Variants in DBNL observed in about 807,000 individuals in gnomAD.
The protein encoded by DBNL is drebrin like.
DBNL carries 35 observed loss-of-function variants against 62.2 expected under a neutral mutation model. The ratio of observed to expected loss-of-function variants is 0.56; its 90% confidence interval spans 0.43 to 0.75. DBNL has a LOEUF of 0.75. Ranked by LOEUF, DBNL falls within the 30% of genes least tolerant of loss-of-function variation. The pLI is 0.00. For missense variants in DBNL, 495 were observed against 578.4 expected, an observed-to-expected ratio of 0.86 and a Z score of 1.48; for synonymous variants, 197 against 218.0, an observed-to-expected ratio of 0.90 and a Z score of 0.85.
In DBNL at chr7:44,065,069, C is replaced by G. The variant is rs2096156893; in HGVS notation, c.*4153C>G. On this transcript the variant is annotated 3_prime_UTR_variant, in exon 13 of 13. Transcript: ENST00000448521. ...CAAGCCAGTGGGCCCCCACCCGACT[C>G]CCCACTCTGCAGCTTCCCAGAGGCC... 1.2e-6 allele frequency: 2 copies of G among 1,611,436 alleles called. No homozygotes were observed. Among genetic ancestry groups the G allele is most frequent in the Non-Finnish European group, 1.7e-6 (2 of 1,179,866 alleles).
chr7:44,067,734 G>A lies in DBNL; in HGVS notation c.*6818G>A, dbSNP rs2096162556. On this transcript the variant is annotated 3_prime_UTR_variant, in exon 13 of 13. Transcript: ENST00000448521. ...AGGAAGGCTGCTGAGTCAACAAGGT[G>A]GTCCCAGGAAGGTGGAGGGAGCATC... is the stretch of plus-strand genomic sequence containing the variant. 2 of 152,226 alleles carry A rather than the reference G, an allele frequency of 1.3e-5. No individual in the cohort carries two copies. The highest frequency in any genetic ancestry group is 6.5e-5 in the Admixed American group (1 of 15,278). The allele number at this position is 152,226 out of a possible 1,614,324, so 9.4% of individuals were successfully genotyped here. A position where few individuals can be genotyped will look rare whatever the true frequency, so the allele number is the denominator to read the frequency against.
chr7:44,051,879 G>A lies in DBNL; in HGVS notation c.189G>A (p.Met63Ile). Residue 63 changes from methionine (M) to isoleucine (I), a missense_variant, in exon 3 of 13, where the codon ATG (methionine) becomes ATA (isoleucine). By Grantham distance (10) the Met-to-Ile change is conservative (BLOSUM62 1). Transcript: ENST00000448521. ...MVEELNSGKVMYAFCRVKDPN... is the reference protein window; with the variant it reads ...MVEELNSGKVIYAFCRVKDPN... Reference sequence around the variant, plus strand: ...AGGAGCTCAACAGCGGGAAGGTGATGTACGCCTTCTGCAGAGTGAAGGACC... The same window carrying A: ...AGGAGCTCAACAGCGGGAAGGTGATATACGCCTTCTGCAGAGTGAAGGACC... The A allele has an allele frequency of 6.2e-7, 1 of 1,614,170 alleles. No homozygotes were observed. Among genetic ancestry groups the A allele is most frequent in the South Asian group, 1.1e-5 (1 of 91,084 alleles).
In DBNL at chr7:44,063,761, C is replaced by T. The variant is rs2096153739; in HGVS notation, c.*2845C>T. On this transcript the variant is annotated 3_prime_UTR_variant, in exon 13 of 13. Transcript: ENST00000448521. ...TGATGTTCGCGCCACTCCACCCCTG[C>T]TCCGTGCAGGAGGGTTTAAGAAAAT... 1 of 153,662 alleles carries T rather than the reference C, an allele frequency of 6.5e-6. No homozygotes were observed. The highest frequency in any genetic ancestry group is 2.0e-4 in the South Asian group (1 of 4,910). 9.5% of individuals were successfully genotyped at this position (153,662 alleles called of 1,614,324 possible).
chr7:44,057,972 G>T, intron 6 of DBNL, 113 bp downstream of exon 6: 2 of 1,540,024 alleles, frequency 1.3e-6, no homozygotes, highest in Non-Finnish European at 1.8e-6. Flanking sequence ...GCCCATTACA[G>T]ATGGTCACAC....
At chr7:44,052,256 G>A (rs529776055) in intron 3 of DBNL, among the ~76,000 whole-genome samples, 2 of 152,212 alleles carry the variant, frequency 1.3e-5, no homozygotes, top group South Asian at 4.1e-4. Flanking sequence ...GCCTGAGGGA[G>A]TGTTTAGGAG....
chr7:44,044,936 A>G lies in DBNL; in HGVS notation c.83+116A>G, dbSNP rs1191734553. Reference sequence around the variant, plus strand: ...CGCGAGCGCGGAGCGGTGCCCAGGCAGGTGGCCTGGGGCTTACCTGTCTGC... The same window carrying G: ...CGCGAGCGCGGAGCGGTGCCCAGGCGGGTGGCCTGGGGCTTACCTGTCTGC... On this transcript the variant is annotated intron_variant, in intron 1 of 12. Transcript: ENST00000448521. 1.5e-5 allele frequency: 16 copies of G among 1,072,130 alleles called. No individual in the cohort carries two copies. The African/African-American group carries it at 2.5e-4, about 17-fold the overall frequency. The allele number at this position is 1,072,130 out of a possible 1,614,324, so 66.4% of individuals were successfully genotyped here.
Position 44,044,976 on chromosome 7 carries a change from G to A in DBNL, c.83+156G>A, listed in dbSNP as rs1342858664. 2.5e-5 allele frequency: 16 copies of A among 643,646 alleles called. No individual in the cohort carries two copies. In the Admixed American group the frequency reaches 6.7e-4, roughly 27 times the overall value. 39.9% of individuals were successfully genotyped at this position (643,646 alleles called of 1,614,324 possible). On this transcript the variant is annotated intron_variant, in intron 1 of 12. Coordinates refer to ENST00000448521, the MANE Select transcript of DBNL (RefSeq NM_001014436.3). Reference sequence around the variant, plus strand: ...TACCTGTCTGCCCCTCCACACCGCAGCAGGAGTGCTGTCTCACCCTCGTGA... The same window carrying A: ...TACCTGTCTGCCCCTCCACACCGCAACAGGAGTGCTGTCTCACCCTCGTGA...
At chr7:44,058,325 AT>A (rs770550443) in intron 7 of DBNL, 45 bp downstream of exon 7, 2 of 1,590,586 alleles carry the variant, frequency 1.3e-6, no homozygotes, top group Non-Finnish European at 1.7e-6. Flanking sequence ...ACCCTGAGGC[AT>A]TGCTGGGCAC....
chr7:44,052,447 T>C (rs961542751), intron 3 of DBNL, among the ~76,000 whole-genome samples: 2 of 151,766 alleles, frequency 1.3e-5, no homozygotes, highest in Admixed American at 1.3e-4. Flanking sequence ...CCATCTCTAC[T>C]AAAATACAAA....
chr7:44,052,721 C>T, intron 3 of DBNL, 146 bp from the exon 4 acceptor site: 1 of 925,184 alleles, frequency 1.1e-6, no homozygotes, highest in East Asian at 2.6e-5. Context: ...ACTTACCTCA[C>T]CCATGTGATG....
chr7:44,055,189 G>A (rs1351018785), intron 4 of DBNL, among the ~76,000 whole-genome samples: 1 of 152,192 alleles, frequency 6.6e-6, no homozygotes, highest in Admixed American at 6.5e-5. Flanking sequence ...CTGTTGTCTA[G>A]GCGCGATGGC....
intron 5 of DBNL, among the ~76,000 whole-genome samples, chr7:44,057,168 C>T (rs1351791106): frequency 8.5e-5 from 13 of 152,254 alleles, no homozygotes; most frequent in Admixed American, 8.5e-4. Context: ...CTGCAGCATG[C>T]ATGGCTATGA....
intron 3 of DBNL, among the ~76,000 whole-genome samples, chr7:44,052,309 G>T (rs1262871247): frequency 6.6e-6 from 1 of 151,966 alleles, no homozygotes; most frequent in Non-Finnish European, 1.5e-5. Flanking sequence ...CCTTGGTGGG[G>T]ATCAAGAAAA....
At chr7:44,048,295 C>T (rs1414276257) in intron 1 of DBNL, among the ~76,000 whole-genome samples, 2 of 152,230 alleles carry the variant, frequency 1.3e-5, no homozygotes, top group East Asian at 3.8e-4. Context: ...CTTCTGGGAG[C>T]CAGGGCTTTG....
At position 44,062,771 on chromosome 7, in the gene DBNL, G is replaced by T. The variant is rs752958758; in HGVS notation, c.*1855G>T. 1.9e-5 allele frequency: 30 copies of T among 1,614,048 alleles called. No homozygotes were observed. The Admixed American group carries it at 4.5e-4, about 24-fold the overall frequency. ...ATTGCCCAAGCCCACCCCTCACTTG[G>T]CCTTGCCCTGGGCAGCCACAGCCTC... is the stretch of plus-strand genomic sequence containing the variant. On this transcript the variant is annotated 3_prime_UTR_variant, in exon 13 of 13. Transcript: ENST00000448521.
chr7:44,065,125 G>T lies in DBNL; in HGVS notation c.*4209G>T. 1 of 1,613,998 alleles carries T rather than the reference G, an allele frequency of 6.2e-7. No homozygotes were observed. On this transcript the variant is annotated 3_prime_UTR_variant, in exon 13 of 13. Transcript: ENST00000448521. ...AGCAAAGGCAGCCCACCTTGCTAATGGAGTTGTAGTAGGGGTGCTTCTCGT... is the reference window on the plus strand; with the variant it reads ...AGCAAAGGCAGCCCACCTTGCTAATTGAGTTGTAGTAGGGGTGCTTCTCGT...
Position 44,063,263 on chromosome 7 carries a change from G to GTTTTT in DBNL, c.*2355_*2359dup. 2.9e-6 allele frequency: 1 copy of GTTTTT among 344,238 alleles called. No homozygotes were observed. The highest frequency in any genetic ancestry group is 3.2e-5 in the South Asian group (1 of 31,354). 21.3% of individuals were successfully genotyped at this position (344,238 alleles called of 1,614,324 possible). ...GGTCAGGAAGGGACACTCACCCTTT[G>GTTTTT]TTTTTTTTTTTTCTTTTCTTTTTCT... On this transcript the variant is annotated 3_prime_UTR_variant, in exon 13 of 13. Coordinates refer to ENST00000448521, the MANE Select transcript of DBNL (RefSeq NM_001014436.3).
chr7:44,053,531 C>G (rs528281121), intron 4 of DBNL, among the ~76,000 whole-genome samples: 1 of 152,252 alleles, frequency 6.6e-6, no homozygotes, highest in East Asian at 1.9e-4. Context: ...CATCTAGGAG[C>G]TGATAAGAGA....
At chr7:44,052,755 T>G in intron 3 of DBNL, 112 bp from the exon 4 acceptor site, 6 of 1,235,908 alleles carry the variant, frequency 4.9e-6, no homozygotes, top group Non-Finnish European at 6.9e-6. Flanking sequence ...AGGTTCTGCT[T>G]TGGGGGTTGC....
Sources: allele counts gnomAD v4.1 joint callset (sites outside exome capture counted in the v4.1 genomes callset), GRCh38; gene constraint gnomAD v4.1.1; transcripts MANE v1.5; gene names NCBI Gene and HGNC (gene_info 2026-07-23, HGNC 2026-07-21).